The following TMEM132C variants were observed in gnomAD, a reference collection of about 807,000 sequenced individuals.
The protein encoded by TMEM132C is transmembrane protein 132C.
A neutral mutation model predicts 61.4 loss-of-function variants in TMEM132C; 29 were observed. That is an observed-to-expected ratio of 0.47 (90% CI 0.35 to 0.64). The LOEUF (loss-of-function observed/expected upper bound fraction) is 0.64. Among genes scored for constraint, TMEM132C ranks in the 30% least tolerant of loss-of-function variants. The pLI is 0.00. For synonymous variants in TMEM132C, 656 were observed against 633.1 expected, an observed-to-expected ratio of 1.04 and a Z score of -0.54; for missense variants, 1,408 against 1,476.9, an observed-to-expected ratio of 0.95 and a Z score of 0.76.
intron 1 of TMEM132C, among the ~76,000 whole-genome samples, chr12:128,344,776 T>C (rs778435361): frequency 5.9e-5 from 9 of 152,214 alleles, no homozygotes; most frequent in Non-Finnish European, 1.2e-4. Context: ...AATTATGTGC[T>C]TATAGGCCAA....
At chr12:128,272,271 A>G (rs2135890359) in intron 1 of TMEM132C, among the ~76,000 whole-genome samples, 2 of 143,488 alleles carry the variant, frequency 1.4e-5, no homozygotes, top group South Asian at 4.3e-4. Flanking sequence ...TCATAAAAAC[A>G]GGATCATGCA....
chr12:128,617,086 C>A (rs940222743), intron 4 of TMEM132C, among the ~76,000 whole-genome samples: 3 of 152,164 alleles, frequency 2.0e-5, no homozygotes, highest in Admixed American at 2.0e-4. Flanking sequence ...CATTATCGGG[C>A]ATGCAGATCA....
Position 128,508,150 on chromosome 12 carries a change from G to A in TMEM132C, c.975-35807G>A, listed in dbSNP as rs1314860958. The stretch of plus-strand genomic sequence containing the variant: ...AATGGACTCACAGTTCCACATGGCT[G>A]GGGAGGCCTCACGATCATGGCAGAA... On this transcript the variant is annotated intron_variant, in intron 2 of 8. Transcript: ENST00000435159. 2.0e-5 allele frequency among the ~76,000 whole-genome samples: 3 copies of A among 152,140 alleles called. No individual in the cohort carries two copies. In the East Asian group the frequency reaches 5.8e-4, roughly 29 times the overall value.
At chr12:128,683,954 A>G (rs12579849) in intron 5 of TMEM132C, among the ~76,000 whole-genome samples, 3,503 of 150,726 alleles carry the variant, frequency 0.023, 98 homozygotes, top group South Asian at 0.14. Flanking sequence ...CAACAAGAGC[A>G]AAACTCTGTT....
rs964345820 is a variant in TMEM132C at position 128,655,509 on chromosome 12, C to T, written c.1306-13908C>T. Among the ~76,000 whole-genome samples, 17 of 151,778 alleles carry T rather than the reference C, an allele frequency of 1.1e-4. 1 individual carries two copies. The South Asian group carries it at 2.1e-3, about 19-fold the overall frequency. On this transcript the variant is annotated intron_variant, in intron 4 of 8. Coordinates refer to ENST00000435159, the MANE Select transcript of TMEM132C (RefSeq NM_001136103.3). ...CTTCAAGCGCCCTCACTAATCAGCA[C>T]GCCAGTCGGCTGCTGGGCGGCCCGT...
intron 1 of TMEM132C, among the ~76,000 whole-genome samples, chr12:128,396,173 T>G (rs994312584): frequency 1.5e-5 from 2 of 135,770 alleles, no homozygotes; most frequent in South Asian, 4.9e-4. Flanking sequence ...CAAATACTTG[T>G]GGTTATTTGT....
intron 3 of TMEM132C, among the ~76,000 whole-genome samples, chr12:128,559,949 C>G (rs923749099): frequency 6.6e-6 from 1 of 152,208 alleles, no homozygotes; most frequent in African/African-American, 2.4e-5. Context: ...AAAGTGTTCT[C>G]TTTAAAACAT....
rs1555227211 is a variant in TMEM132C at position 128,489,562 on chromosome 12, C to CATATTTATATAT, written c.975-54391_975-54390insTTATATATATAT. On this transcript the variant is annotated intron_variant, in intron 2 of 8. Coordinates refer to ENST00000435159, the MANE Select transcript of TMEM132C (RefSeq NM_001136103.3). ...CCTCCATTATATATTTTTATATGCTCATATATATATATATATATATTCTGT... is the reference window on the plus strand; with the variant it reads ...CCTCCATTATATATTTTTATATGCTCATATTTATATATATATATATATATATATATATTCTGT... Among the ~76,000 whole-genome samples, 89 of 138,400 alleles carry CATATTTATATAT rather than the reference C, an allele frequency of 6.4e-4. 1 individual carries two copies. Among genetic ancestry groups the CATATTTATATAT allele is most frequent in the African/African-American group, 2.1e-3 (79 of 38,448 alleles). The allele number at this position is 138,400 out of a possible 152,430, so 90.8% of individuals were successfully genotyped here.
intron 3 of TMEM132C, among the ~76,000 whole-genome samples, chr12:128,614,055 C>T (rs1021006486): frequency 1.3e-5 from 2 of 152,192 alleles, no homozygotes; most frequent in Admixed American, 1.3e-4. Context: ...GCACTGGAGA[C>T]ACCTCAGGCT....
chr12:128,657,262 C>A (rs1177540161), intron 4 of TMEM132C, among the ~76,000 whole-genome samples: 2 of 152,144 alleles, frequency 1.3e-5, no homozygotes, highest in African/African-American at 4.8e-5. Context: ...ACATACAGAA[C>A]TGGTTTCCCT....
chr12:128,550,901 A>T (rs796274482), intron 3 of TMEM132C, among the ~76,000 whole-genome samples: 6 of 152,176 alleles, frequency 3.9e-5, no homozygotes, highest in African/African-American at 1.4e-4. Flanking sequence ...TTTGCTGATG[A>T]TGGACAGGTG....
chr12:128,610,167 C>T (rs1166729040), intron 3 of TMEM132C, among the ~76,000 whole-genome samples: 1 of 152,208 alleles, frequency 6.6e-6, no homozygotes, highest in Admixed American at 6.5e-5. Context: ...ATGAAATACT[C>T]ATGAGGTAGA....
chr12:128,361,504 C>T (rs1873707588), intron 1 of TMEM132C, among the ~76,000 whole-genome samples: 1 of 152,084 alleles, frequency 6.6e-6, no homozygotes, highest in Non-Finnish European at 1.5e-5. Flanking sequence ...AGGACTTCCC[C>T]ATATAACAAA....
At chr12:128,521,739 G>C (rs1483266297) in intron 2 of TMEM132C, among the ~76,000 whole-genome samples, 2 of 152,164 alleles carry the variant, frequency 1.3e-5, no homozygotes, top group African/African-American at 4.8e-5. Context: ...TGAGAAGGCA[G>C]AAGTTACAAA....
chr12:128,467,040 C>A (rs898914225), intron 2 of TMEM132C, among the ~76,000 whole-genome samples: 2 of 152,102 alleles, frequency 1.3e-5, no homozygotes, highest in Non-Finnish European at 2.9e-5. Context: ...AGGTGAAGGT[C>A]AGAAGATGTG....
chr12:128,364,999 C>G (rs552860460), intron 1 of TMEM132C, among the ~76,000 whole-genome samples: 1 of 152,338 alleles, frequency 6.6e-6, no homozygotes, highest in African/African-American at 2.4e-5. Flanking sequence ...TTTCCTGGAT[C>G]ATTTATGTTG....
intron 2 of TMEM132C, among the ~76,000 whole-genome samples, chr12:128,497,429 G>C (rs534559493): frequency 1.3e-5 from 2 of 152,214 alleles, no homozygotes; most frequent in Admixed American, 1.3e-4. Flanking sequence ...GCCCCCAGAG[G>C]TGGAGTCTAC....
intron 2 of TMEM132C, among the ~76,000 whole-genome samples, chr12:128,480,671 C>T (rs1179849796): frequency 2.6e-5 from 4 of 152,166 alleles, no homozygotes; most frequent in Non-Finnish European, 5.9e-5. Flanking sequence ...CCCGAGCTTC[C>T]CACTTACTAG....
At chr12:128,386,907 T>G (rs1188592236) in intron 1 of TMEM132C, among the ~76,000 whole-genome samples, 1 of 151,898 alleles carries the variant, frequency 6.6e-6, no homozygotes, top group East Asian at 1.9e-4. Flanking sequence ...GGCGGGAGAA[T>G]CCCTTGAAGC....
Sources: allele counts gnomAD v4.1 joint callset (sites outside exome capture counted in the v4.1 genomes callset), GRCh38; gene constraint gnomAD v4.1.1; transcripts MANE v1.5; gene names NCBI Gene and HGNC (gene_info 2026-07-23, HGNC 2026-07-21).